LYPD6: variants seen among roughly 807,000 people sequenced by gnomAD.
LYPD6 encodes LY6/PLAUR domain containing 6.
A neutral mutation model predicts 22.7 loss-of-function variants in LYPD6; 15 were observed. That is an observed-to-expected ratio of 0.66 (90% CI 0.44 to 1.02). The LOEUF (loss-of-function observed/expected upper bound fraction) is 1.02. Among genes scored for constraint, LYPD6 ranks in the 50% least tolerant of loss-of-function variants. LYPD6 has a pLI of 0.00. For synonymous variants in LYPD6, 72 were observed against 77.5 expected (o/e 0.93, Z 0.37); for missense variants, 189 against 208.4 (o/e 0.91, Z 0.57).
At chr2:149,418,528 A>G (rs1012933807) in intron 1 of LYPD6, among the ~76,000 whole-genome samples, 1 of 152,222 alleles carries the variant, frequency 6.6e-6, no homozygotes, top group Admixed American at 6.5e-5. Flanking sequence ...AGTTAAAGCA[A>G]ACTGGGTTAA....
rs147023299 is a variant in LYPD6 at position 149,436,705 on chromosome 2, G to A, written c.-71-933G>A. Among the ~76,000 whole-genome samples the A allele has an allele frequency of 1.6e-3, 239 of 151,832 alleles. 1 individual carries two copies. The highest frequency in any genetic ancestry group is 9.3e-4 in the Non-Finnish European group (63 of 67,938). Reference sequence around the variant, plus strand: ...AGCGATTCTCCTGCCTCACCCTCCCGAGAGTAGCTGAGATTACAGGTGCCT... The same window carrying A: ...AGCGATTCTCCTGCCTCACCCTCCCAAGAGTAGCTGAGATTACAGGTGCCT... On this transcript the variant is annotated intron_variant, in intron 1 of 4. Coordinates refer to ENST00000334166, the MANE Select transcript of LYPD6 (RefSeq NM_194317.5).
intron 1 of LYPD6, among the ~76,000 whole-genome samples, chr2:149,351,554 A>T (rs1413334804): frequency 6.6e-6 from 1 of 152,110 alleles, no homozygotes; most frequent in Admixed American, 6.5e-5. Flanking sequence ...CAAATTTCAT[A>T]CCTGGAGGAA....
chr2:149,396,496 A>G lies in LYPD6; in HGVS notation c.-71-41142A>G, dbSNP rs146460016. On this transcript the variant is annotated intron_variant, in intron 1 of 4. Transcript: ENST00000334166. ...CTTTAATATTTATTTACATGTTCTC[A>G]GTCATGGTATCATTATCCATTTAGA... Among the ~76,000 whole-genome samples, 35 of 152,238 alleles carry G rather than the reference A, an allele frequency of 2.3e-4. No individual in the cohort carries two copies. In the East Asian group the frequency reaches 6.6e-3, roughly 29 times the overall value.
chr2:149,450,165 G>C (rs1683776076), intron 3 of LYPD6, among the ~76,000 whole-genome samples: 2 of 152,302 alleles, frequency 1.3e-5, no homozygotes, highest in East Asian at 1.9e-4. Flanking sequence ...TGAAAGCCTT[G>C]CCCTGTCTAG....
intron 1 of LYPD6, among the ~76,000 whole-genome samples, chr2:149,403,179 C>T (rs1252351769): frequency 2.0e-5 from 3 of 151,960 alleles, no homozygotes; most frequent in Admixed American, 6.6e-5. Flanking sequence ...TGAATAGTGC[C>T]GCAGTAAACA....
intron 3 of LYPD6, among the ~76,000 whole-genome samples, chr2:149,466,106 T>C (rs1385411847): frequency 6.6e-6 from 1 of 152,144 alleles, no homozygotes; most frequent in Non-Finnish European, 1.5e-5. Flanking sequence ...TTATCACTAC[T>C]CCAGTCCAGT....
intron 1 of LYPD6, among the ~76,000 whole-genome samples, chr2:149,380,843 T>TA (rs1682043892): frequency 6.6e-6 from 1 of 152,092 alleles, no homozygotes; most frequent in Non-Finnish European, 1.5e-5. Context: ...ACCTTTGGGG[T>TA]ACTCAATTTT....
intron 1 of LYPD6, among the ~76,000 whole-genome samples, chr2:149,365,657 T>G (rs1681646985): frequency 1.3e-5 from 2 of 152,180 alleles, no homozygotes; most frequent in Admixed American, 6.6e-5. Flanking sequence ...GGAAAAAAAT[T>G]TAATTTAATT....
chr2:149,387,472 T>G (rs771568174), intron 1 of LYPD6, among the ~76,000 whole-genome samples: 16 of 152,252 alleles, frequency 1.1e-4, no homozygotes, highest in Non-Finnish European at 1.9e-4. Flanking sequence ...CTGGTTCATT[T>G]TTCATTTAAT....
At chr2:149,403,714 T>A (rs1390654978) in intron 1 of LYPD6, among the ~76,000 whole-genome samples, 2 of 152,076 alleles carry the variant, frequency 1.3e-5, no homozygotes, top group African/African-American at 2.4e-5. Flanking sequence ...TTTCTCTTGC[T>A]GTGCAGAAGC....
rs201448749 is a variant in LYPD6 at position 149,449,050 on chromosome 2, C to G, written c.120C>G (p.Thr40=). 4 of 1,606,050 alleles carry G rather than the reference C, an allele frequency of 2.5e-6. No homozygotes were observed. The highest frequency in any genetic ancestry group is 3.4e-6 in the Non-Finnish European group (4 of 1,175,990). The change falls in exon 3 of 5, where the codon ACC becomes ACG. Residue 40 remains threonine, a splice_region_variant and synonymous_variant. Coordinates refer to ENST00000334166, the MANE Select transcript of LYPD6 (RefSeq NM_194317.5). ...VKDIIYLHPS[T]TPYPGGFKCF... is the part of the protein sequence containing the mutation. Reference sequence around the variant, plus strand: ...TTTTCTCTTAATCCTTTTTTTTAGCCACACCATATCCTGGTGGATTTAAAT... The same window carrying G: ...TTTTCTCTTAATCCTTTTTTTTAGCGACACCATATCCTGGTGGATTTAAAT...
intron 2 of LYPD6, among the ~76,000 whole-genome samples, chr2:149,443,622 A>G (rs184309924): frequency 1.3e-5 from 2 of 152,272 alleles, no homozygotes; most frequent in East Asian, 1.9e-4. Flanking sequence ...CTATTTTTTA[A>G]TGTATCCAGT....
intron 1 of LYPD6, among the ~76,000 whole-genome samples, chr2:149,400,991 A>G (rs1437186047): frequency 6.6e-6 from 1 of 152,172 alleles, no homozygotes; most frequent in Non-Finnish European, 1.5e-5. Flanking sequence ...CCAAATGACA[A>G]CCATGCCTTT....
intron 3 of LYPD6, among the ~76,000 whole-genome samples, chr2:149,451,992 A>G (rs1414142264): frequency 1.3e-5 from 2 of 152,214 alleles, no homozygotes; most frequent in East Asian, 3.9e-4. Flanking sequence ...AAGAAGAGCT[A>G]CTGGGGACTG....
chr2:149,467,686 A>C (rs903789823), intron 3 of LYPD6, among the ~76,000 whole-genome samples: 1 of 152,200 alleles, frequency 6.6e-6, no homozygotes, highest in African/African-American at 2.4e-5. Context: ...AGTTGGATCC[A>C]AGATGTGGAT....
At chr2:149,409,988 A>G (rs1294037238) in intron 1 of LYPD6, among the ~76,000 whole-genome samples, 1 of 152,134 alleles carries the variant, frequency 6.6e-6, no homozygotes, top group African/African-American at 2.4e-5. Flanking sequence ...TCTTGGAGCA[A>G]AAGGTCATGA....
chr2:149,399,132 G>C (rs1433319386), intron 1 of LYPD6, among the ~76,000 whole-genome samples: 1 of 152,004 alleles, frequency 6.6e-6, no homozygotes, highest in Non-Finnish European at 1.5e-5. Context: ...TTAGGCCAGG[G>C]TGGAAATTTC....
Position 149,468,742 on chromosome 2 carries a change from T to C in LYPD6, c.315T>C (p.Thr105=). The C allele has an allele frequency of 6.2e-7, 1 of 1,613,624 alleles. No individual in the cohort carries two copies. Among genetic ancestry groups the C allele is most frequent in the Non-Finnish European group, 8.5e-7 (1 of 1,179,682 alleles). Residue 105 remains threonine, a synonymous_variant, in exon 4 of 5, where the codon ACT becomes ACC. Transcript: ENST00000334166. ...RCVPLEECLS[T]GCRDSEHEGH... is the part of the protein sequence containing the mutation. ...TCCCACTGGAAGAGTGCTTATCCAC[T>C]GGCTGCAGAGACTCCGAGCATGAAG...
chr2:149,375,303 A>G (rs1466531642), intron 1 of LYPD6, among the ~76,000 whole-genome samples: 1 of 152,172 alleles, frequency 6.6e-6, no homozygotes, highest in Non-Finnish European at 1.5e-5. Flanking sequence ...ACTAATTGTA[A>G]TGGGTCTTGG....
Sources: allele counts gnomAD v4.1 joint callset (sites outside exome capture counted in the v4.1 genomes callset), GRCh38; gene constraint gnomAD v4.1.1; transcripts MANE v1.5; gene names NCBI Gene and HGNC (gene_info 2026-07-23, HGNC 2026-07-21).